ACER3: variants seen among roughly 807,000 people sequenced by gnomAD.
ACER3 encodes alkCDase 3.
Under a neutral mutation model 48.9 loss-of-function variants are expected in ACER3, and 16 were observed. That is an observed-to-expected ratio of 0.33 (90% confidence interval 0.22 to 0.50). ACER3 has a LOEUF of 0.50. Ranked by LOEUF, ACER3 falls within the 20% of genes least tolerant of loss-of-function variation. The probability of loss-of-function intolerance (pLI) is 0.98; values close to 1 mark genes in which losing one functional copy is unlikely to be tolerated. For synonymous variants in ACER3, 109 were observed against 107.8 expected, an observed-to-expected ratio of 1.01 and a Z score of -0.07; for missense variants, 227 against 326.0, an observed-to-expected ratio of 0.70 and a Z score of 2.34.
intron 2 of ACER3, among the ~76,000 whole-genome samples, chr11:76,932,058 C>A (rs1467566446): frequency 1.3e-5 from 2 of 151,706 alleles, no homozygotes; most frequent in African/African-American, 4.8e-5. Flanking sequence ...AAGCGATCCT[C>A]CTACCTTAGC....
At chr11:77,001,884 T>TA (rs1175634854) in intron 7 of ACER3, among the ~76,000 whole-genome samples, 1 of 152,224 alleles carries the variant, frequency 6.6e-6, no homozygotes, top group Non-Finnish European at 1.5e-5. Flanking sequence ...CCAACAAACT[T>TA]ATTTTCTCAC....
At chr11:76,918,356 T>A (rs1370121831) in intron 1 of ACER3, among the ~76,000 whole-genome samples, 1 of 152,066 alleles carries the variant, frequency 6.6e-6, no homozygotes, top group Non-Finnish European at 1.5e-5. Flanking sequence ...TATTATTATT[T>A]TTTTCTTTAA....
chr11:76,933,951 G>A (rs1214107422), intron 2 of ACER3, among the ~76,000 whole-genome samples: 7 of 151,588 alleles, frequency 4.6e-5, no homozygotes, highest in East Asian at 3.9e-4. Flanking sequence ...GGGCAGAGAC[G>A]CTCCTCACCT....
At chr11:76,919,250 G>A (rs559007637) in intron 1 of ACER3, among the ~76,000 whole-genome samples, 15 of 152,126 alleles carry the variant, frequency 9.9e-5, no homozygotes, top group Admixed American at 3.9e-4. Flanking sequence ...TTGGAAAACC[G>A]TTTAGATTGT....
chr11:76,941,132 C>A (rs1021394503), intron 2 of ACER3, among the ~76,000 whole-genome samples: 1 of 151,860 alleles, frequency 6.6e-6, no homozygotes, highest in East Asian at 1.9e-4. Context: ...TATTTCAAAT[C>A]AAGGATATTT....
At chr11:76,991,999 G>A (rs1017801392) in intron 6 of ACER3, among the ~76,000 whole-genome samples, 1 of 151,878 alleles carries the variant, frequency 6.6e-6, no homozygotes, top group Non-Finnish European at 1.5e-5. Context: ...AGGCTGAGGT[G>A]GGAGGATTGC....
intron 3 of ACER3, among the ~76,000 whole-genome samples, chr11:76,960,348 G>A (rs938753824): frequency 1.3e-5 from 2 of 151,882 alleles, no homozygotes; most frequent in East Asian, 1.9e-4. Context: ...GGCGGAGATC[G>A]CAGTAAGCCA....
intron 7 of ACER3, among the ~76,000 whole-genome samples, chr11:77,000,622 T>C (rs1949012798): frequency 6.6e-6 from 1 of 152,220 alleles, no homozygotes; most frequent in African/African-American, 2.4e-5. Flanking sequence ...TTCTGTTTTT[T>C]CCATGTGGAT....
intron 1 of ACER3, among the ~76,000 whole-genome samples, chr11:76,913,345 A>G (rs1208019099): frequency 6.6e-6 from 1 of 152,062 alleles, no homozygotes; most frequent in Non-Finnish European, 1.5e-5. Flanking sequence ...TCTTTTCCTA[A>G]TTGAATACCC....
At position 77,020,980 on chromosome 11, in the gene ACER3, T is replaced by C. The variant is rs116435642; in HGVS notation, c.*653T>C. On this transcript the variant is annotated 3_prime_UTR_variant, in exon 11 of 11. Transcript: ENST00000532485. ...ACCACATCCCAGGATTTATGGTGTC[T>C]GTCTATGGCCACAGCCAACCAGAAT... 0.018 allele frequency: 2,787 copies of C among 152,606 alleles called. 80 individuals are homozygous for C. The highest frequency in any genetic ancestry group is 0.063 in the African/African-American group (2,614 of 41,574). The allele number at this position is 152,606 out of a possible 1,614,324, so 9.5% of individuals were successfully genotyped here.
chr11:76,869,887 G>T (rs1332820802), intron 1 of ACER3, among the ~76,000 whole-genome samples: 1 of 152,024 alleles, frequency 6.6e-6, no homozygotes, highest in Non-Finnish European at 1.5e-5. Context: ...TTTGAGAAAG[G>T]GTCTCATTCT....
intron 3 of ACER3, among the ~76,000 whole-genome samples, chr11:76,975,209 C>T (rs547008171): frequency 6.6e-6 from 1 of 152,126 alleles, no homozygotes; most frequent in African/African-American, 2.4e-5. Context: ...ATTCCCTTAA[C>T]CTCTAATTAG....
chr11:77,002,717 C>G (rs1219801593), intron 7 of ACER3, among the ~76,000 whole-genome samples: 1 of 152,142 alleles, frequency 6.6e-6, no homozygotes, highest in Non-Finnish European at 1.5e-5. Flanking sequence ...GTGAAACCAT[C>G]TGGGCCTGGA....
In ACER3 at chr11:76,947,450, T is replaced by A. The variant is rs189345239; in HGVS notation, c.215-11529T>A. Among the ~76,000 whole-genome samples the A allele has an allele frequency of 3.3e-5, 5 of 152,346 alleles. No individual in the cohort carries two copies. The East Asian group carries it at 9.6e-4, about 29-fold the overall frequency. ...ACTGCCAGAGTAAATAAAAGTCATC[T>A]TAAGTGATCTTAACAATATTTTACG... On this transcript the variant is annotated intron_variant, in intron 2 of 10. Transcript: ENST00000532485.
intron 7 of ACER3, among the ~76,000 whole-genome samples, chr11:77,009,976 A>G (rs987093956): frequency 2.6e-5 from 4 of 152,198 alleles, no homozygotes; most frequent in Admixed American, 2.0e-4. Flanking sequence ...ACACACACAT[A>G]TACAAATAAA....
intron 7 of ACER3, among the ~76,000 whole-genome samples, chr11:77,006,195 G>C (rs1311015762): frequency 6.6e-6 from 1 of 150,896 alleles, no homozygotes; most frequent in African/African-American, 2.4e-5. Context: ...CACCATGTTG[G>C]CCAGGCGGGT....
chr11:76,905,279 C>T (rs1946197200), intron 1 of ACER3, among the ~76,000 whole-genome samples: 1 of 152,100 alleles, frequency 6.6e-6, no homozygotes, highest in Non-Finnish European at 1.5e-5. Flanking sequence ...AAAATTGAAT[C>T]TACATTTCTC....
chr11:77,026,373 G>A lies in ACER3; in HGVS notation c.*6046G>A, dbSNP rs1479347676. On this transcript the variant is annotated 3_prime_UTR_variant, in exon 11 of 11. Transcript: ENST00000532485. ...AAATTATTCATACCAATGAATAAGTGAGTCTGTTCTAAGATATAGGGGCCA... is the reference window on the plus strand; with the variant it reads ...AAATTATTCATACCAATGAATAAGTAAGTCTGTTCTAAGATATAGGGGCCA... The A allele has an allele frequency of 6.6e-6, 1 of 152,106 alleles. No homozygotes were observed. Among genetic ancestry groups the A allele is most frequent in the Non-Finnish European group, 1.5e-5 (1 of 68,012 alleles). 9.4% of individuals were successfully genotyped at this position (152,106 alleles called of 1,614,324 possible). A position where few individuals can be genotyped will look rare whatever the true frequency, so the allele number is the denominator to read the frequency against.
chr11:76,986,392 T>C (rs1198296633), intron 5 of ACER3, among the ~76,000 whole-genome samples: 1 of 152,226 alleles, frequency 6.6e-6, no homozygotes, highest in Non-Finnish European at 1.5e-5. Context: ...CAAGGCTTCA[T>C]GCATGAGTCA....
Sources: gnomAD v4.1 joint callset for allele counts (sites outside exome capture counted in the v4.1 genomes callset) on GRCh38, gnomAD v4.1.1 for gene constraint, MANE v1.5 for transcripts, NCBI Gene and HGNC (gene_info 2026-07-23, HGNC 2026-07-21) for gene names.